Variants in LPIN2 observed in about 807,000 individuals in gnomAD.
LPIN2 encodes lipin 2, also known as phosphatidate phosphatase LPIN2.
LPIN2 carries 55 observed loss-of-function variants against 111.4 expected under a neutral mutation model. The ratio of observed to expected loss-of-function variants is 0.49; its 90% CI spans 0.40 to 0.62. The LOEUF is 0.62. Ranked by LOEUF, LPIN2 falls within the 20% of genes least tolerant of loss-of-function variation. LPIN2 has a pLI of 0.00. For missense variants in LPIN2, 992 were observed against 1,112.1 expected (o/e 0.89, Z 1.54); for synonymous variants, 425 against 414.0 (o/e 1.03, Z -0.32).
chr18:3,011,098 C>T (rs1352449479), intron 1 of LPIN2, among the ~76,000 whole-genome samples: 2 of 152,124 alleles, frequency 1.3e-5, no homozygotes, highest in African/African-American at 4.8e-5. Context: ...GTTTGGCTTT[C>T]AGGAACTCTG....
intron 11 of LPIN2, among the ~76,000 whole-genome samples, chr18:2,928,235 G>A (rs2077164129): frequency 6.6e-6 from 1 of 152,266 alleles, no homozygotes; most frequent in African/African-American, 2.4e-5. Flanking sequence ...GCTTCTCTTG[G>A]CTACATCACC....
rs537263195 is a variant in LPIN2 at position 2,994,520 on chromosome 18, TATA to T, written c.-10+18564_-10+18566del. ...TGATATATCATAGTTGGGGAGGACA[TATA>T]ATAATATTTTATACATGTATACAAT... On this transcript the variant is annotated intron_variant, in intron 1 of 19. Coordinates refer to ENST00000677752, the MANE Select transcript of LPIN2 (RefSeq NM_001375808.2). Among the ~76,000 whole-genome samples the T allele has an allele frequency of 4.4e-3, 670 of 152,342 alleles. 5 individuals are homozygous for T. The highest frequency in any genetic ancestry group is 0.015 in the African/African-American group (638 of 41,574).
intron 1 of LPIN2, among the ~76,000 whole-genome samples, chr18:2,987,674 A>G (rs919076838): frequency 6.6e-6 from 1 of 152,144 alleles, no homozygotes; most frequent in African/African-American, 2.4e-5. Context: ...TTACTTAAAA[A>G]TTTTTTATTT....
intron 2 of LPIN2, among the ~76,000 whole-genome samples, chr18:2,960,219 T>TGTGTGTGTGTGTGTGTGTGTGTG (rs1568574269): frequency 6.8e-6 from 1 of 147,232 alleles, no homozygotes; most frequent in Non-Finnish European, 1.5e-5. Context: ...TGTGTGTGTG[T>TGTGTGTGTGTGTGTGTGTGTGTG]TCTTGATTAT....
In LPIN2 at chr18:2,970,776, T is replaced by C. The variant is rs548705349; in HGVS notation, c.-9-9927A>G. 1.1e-4 allele frequency among the ~76,000 whole-genome samples: 16 copies of C among 152,338 alleles called. No individual in the cohort carries two copies. In the East Asian group the frequency reaches 2.7e-3, roughly 26 times the overall value. Reference sequence around the variant, plus strand: ...TTAATTTTTTAAAAATGAGAAAATATGAAGCTGGCCTTAAGCTTAGTTCTC... The same window carrying C: ...TTAATTTTTTAAAAATGAGAAAATACGAAGCTGGCCTTAAGCTTAGTTCTC... On this transcript the variant is annotated intron_variant, in intron 1 of 19. Coordinates refer to ENST00000677752, the MANE Select transcript of LPIN2 (RefSeq NM_001375808.2).
At chr18:3,009,354 A>G (rs145452721) in intron 1 of LPIN2, among the ~76,000 whole-genome samples, 7,610 of 151,560 alleles carry the variant, frequency 0.05, 612 homozygotes, top group African/African-American at 0.17. Context: ...AGCCGAGATC[A>G]TGACACTGCA....
chr18:2,986,634 T>C (rs972784887), intron 1 of LPIN2, among the ~76,000 whole-genome samples: 2 of 151,834 alleles, frequency 1.3e-5, no homozygotes, highest in Non-Finnish European at 2.9e-5. Context: ...CTGTAAGAAT[T>C]AGAGGATGCT....
intron 2 of LPIN2, among the ~76,000 whole-genome samples, chr18:2,954,906 C>T (rs960777146): frequency 2.0e-5 from 3 of 152,182 alleles, no homozygotes; most frequent in Non-Finnish European, 4.4e-5. Context: ...AACATTTGCA[C>T]ACTTTCCAAG....
intron 4 of LPIN2, among the ~76,000 whole-genome samples, chr18:2,945,360 T>C (rs548599861): frequency 6.6e-6 from 1 of 152,292 alleles, no homozygotes; most frequent in Admixed American, 6.5e-5. Context: ...CAATCTTACA[T>C]AACACGAAAG....
At chr18:2,982,614 G>C in intron 1 of LPIN2, 1 of 789,378 alleles carries the variant, frequency 1.3e-6, no homozygotes, top group Non-Finnish European at 1.9e-6. Flanking sequence ...TCTCAGTAGT[G>C]TCCAGATTGA....
intron 16 of LPIN2, among the ~76,000 whole-genome samples, chr18:2,922,440 T>C (rs1414591731): frequency 2.0e-5 from 3 of 151,960 alleles, no homozygotes; most frequent in African/African-American, 7.3e-5. Context: ...ATGCCCGGCT[T>C]AATTTTTATA....
intron 7 of LPIN2, among the ~76,000 whole-genome samples, chr18:2,935,175 T>C (rs2077269116): frequency 6.6e-6 from 1 of 152,210 alleles, no homozygotes; most frequent in African/African-American, 2.4e-5. Flanking sequence ...CTAAGATACT[T>C]CCTTAATAAT....
chr18:2,960,229 T>C (rs1454228296), intron 2 of LPIN2, among the ~76,000 whole-genome samples: 1 of 149,070 alleles, frequency 6.7e-6, no homozygotes, highest in East Asian at 2.0e-4. Flanking sequence ...TTCTTGATTA[T>C]ACCCACCTAT....
intron 1 of LPIN2, among the ~76,000 whole-genome samples, chr18:2,998,290 C>T (rs1475883903): frequency 2.0e-5 from 3 of 152,202 alleles, no homozygotes; most frequent in African/African-American, 7.2e-5. Flanking sequence ...TAAGGCTGCA[C>T]CAGTGTGTTA....
chr18:2,964,727 T>G (rs976060877), intron 1 of LPIN2, among the ~76,000 whole-genome samples: 1 of 152,224 alleles, frequency 6.6e-6, no homozygotes, highest in Non-Finnish European at 1.5e-5. Flanking sequence ...ATTTCAGTTT[T>G]GGGATCGTTA....
chr18:2,929,126 C>A lies in LPIN2; in HGVS notation c.1489G>T (p.Glu497Ter). The A allele has an allele frequency of 6.2e-7, 1 of 1,607,746 alleles. No homozygotes were observed. Reference protein sequence around the residue: ...KFMEHIITYHEFAENPGLIDN... With the variant: ...KFMEHIITYH ...ATAAGTCCAGGGTTTTCTGCAAATTCGTGATAAGTAATGATATGCTCCATG... is the reference window on the plus strand; with the variant it reads ...ATAAGTCCAGGGTTTTCTGCAAATTAGTGATAAGTAATGATATGCTCCATG... The change falls in exon 10 of 20, where the codon GAA (glutamate) becomes TAA (stop). Residue 497 changes from glutamate (E) to a stop codon, truncating the protein, a stop_gained. Transcript: ENST00000677752. LOFTEE classifies it high-confidence loss of function.
At position 2,923,763 on chromosome 18, in the gene LPIN2, G is replaced by A. The variant is rs754224726; in HGVS notation, c.2174+12C>T. ...GCTCACCAGAGCGAGTTAACGTGGG[G>A]AGGGTACCTACTCATTGATGGAATG... is the stretch of plus-strand genomic sequence containing the variant. On this transcript the variant is annotated intron_variant, in intron 16 of 19. Transcript: ENST00000677752. The A allele has an allele frequency of 1.9e-6, 3 of 1,611,174 alleles. No individual in the cohort carries two copies. Among genetic ancestry groups the A allele is most frequent in the Non-Finnish European group, 1.7e-6 (2 of 1,177,280 alleles).
chr18:2,942,130 A>G (rs2048923255), intron 4 of LPIN2, among the ~76,000 whole-genome samples: 1 of 152,148 alleles, frequency 6.6e-6, no homozygotes, highest in South Asian at 2.1e-4. Flanking sequence ...AACTTAACAT[A>G]CTCTTATTTA....
intron 2 of LPIN2, among the ~76,000 whole-genome samples, chr18:2,960,198 G>A (rs566101196): frequency 6.6e-6 from 1 of 151,530 alleles, no homozygotes; most frequent in African/African-American, 2.4e-5. Flanking sequence ...GTGTGTGTGT[G>A]TGTGTGTGTG....
Sources: allele counts gnomAD v4.1 joint callset (sites outside exome capture counted in the v4.1 genomes callset), GRCh38; gene constraint gnomAD v4.1.1; transcripts MANE v1.5; gene names NCBI Gene and HGNC (gene_info 2026-07-23, HGNC 2026-07-21).